Variants in POLR3B observed in about 807,000 individuals in gnomAD.
POLR3B encodes RNA polymerase III subunit B.
POLR3B carries 96 observed loss-of-function variants against 147.4 expected under a neutral mutation model. That is an observed-to-expected ratio of 0.65 (90% CI 0.55 to 0.77). POLR3B has a LOEUF of 0.77. POLR3B is among the 30% of genes least tolerant of loss of function. The pLI, the probability that POLR3B is intolerant of heterozygous loss-of-function variation, is 0.00. For synonymous variants in POLR3B, 461 were observed against 485.9 expected (o/e 0.95, Z 0.67); for missense variants, 1,036 against 1,413.5 (o/e 0.73, Z 4.28).
chr12:106,445,372 A>G (rs2037708228), intron 19 of POLR3B, among the ~76,000 whole-genome samples: 1 of 152,198 alleles, frequency 6.6e-6, no homozygotes, highest in African/African-American at 2.4e-5. Context: ...TTAAAGTGAG[A>G]GTGGGTTTTT....
At chr12:106,414,914 G>A (rs1195910531) in intron 12 of POLR3B, among the ~76,000 whole-genome samples, 1 of 152,134 alleles carries the variant, frequency 6.6e-6, no homozygotes, top group African/African-American at 2.4e-5. Context: ...AGCCCCCTTT[G>A]AATTCTGATA....
At chr12:106,433,658 T>C (rs963290333) in intron 15 of POLR3B, 61 bp from the exon 16 acceptor site, 15 of 1,368,726 alleles carry the variant, frequency 1.1e-5, no homozygotes, top group Non-Finnish European at 1.3e-5. Context: ...TGGTTGGATA[T>C]ATTAAATCAG....
rs529227497 is a variant in POLR3B at position 106,438,956 on chromosome 12, A to G, written c.1955+1177A>G. 5.3e-5 allele frequency among the ~76,000 whole-genome samples: 8 copies of G among 152,370 alleles called. No homozygotes were observed. In the South Asian group the frequency reaches 1.4e-3, roughly 28 times the overall value. On this transcript the variant is annotated intron_variant, in intron 18 of 27. Transcript: ENST00000228347. ...TTTTAGAGTACATTAAAGAACATCT[A>G]TGTAACTTGCTGTCTGATGCATGTG...
At chr12:106,495,351 T>C (rs2038463131) in intron 23 of POLR3B, among the ~76,000 whole-genome samples, 1 of 152,240 alleles carries the variant, frequency 6.6e-6, no homozygotes, top group Non-Finnish European at 1.5e-5. Flanking sequence ...TCTAGCCTTT[T>C]TTTTTCCAAG....
At chr12:106,496,996 TC>T in intron 25 of POLR3B, 78 bp downstream of exon 25, 23 of 1,406,284 alleles carry the variant, frequency 1.6e-5, no homozygotes, top group Non-Finnish European at 2.2e-5. Context: ...TAAGGTATAC[TC>T]TATTAAGTAT....
rs775469366 is a variant in POLR3B at position 106,363,939 on chromosome 12, T to A, written c.105+37T>A. On this transcript the variant is annotated intron_variant, in intron 2 of 27. Coordinates refer to ENST00000228347, the MANE Select transcript of POLR3B (RefSeq NM_018082.6). ...ACATTTAATAATAATTGGTTATTTT[T>A]CAGATGAAAAAGTCAAGAAATAAGC... 23 of 1,494,362 alleles carry A rather than the reference T, an allele frequency of 1.5e-5. No individual in the cohort carries two copies. In the South Asian group the frequency reaches 2.7e-4, roughly 18 times the overall value. The allele number at this position is 1,494,362 out of a possible 1,614,324, so 92.6% of individuals were successfully genotyped here. A position where few individuals can be genotyped will look rare whatever the true frequency, so the allele number is the denominator to read the frequency against.
At chr12:106,477,891 C>CTTTTTTTTTTTTTTTTTTTT in intron 23 of POLR3B, among the ~76,000 whole-genome samples, 1 of 70,550 alleles carries the variant, frequency 1.4e-5, no homozygotes, top group East Asian at 6.0e-4. Flanking sequence ...GGCTCCTCCC[C>CTTTTTTTTTTTTTTTTTTTT]TTTTTTTTTT....
chr12:106,397,858 G>A (rs2037001456), intron 10 of POLR3B, among the ~76,000 whole-genome samples: 1 of 152,186 alleles, frequency 6.6e-6, no homozygotes, highest in African/African-American at 2.4e-5. Context: ...GAATAGAATT[G>A]CTGTTAAGGA....
chr12:106,382,788 C>T (rs894970656), intron 9 of POLR3B, among the ~76,000 whole-genome samples: 13 of 152,126 alleles, frequency 8.5e-5, no homozygotes, highest in Admixed American at 3.9e-4. Context: ...AAGGGCCTTA[C>T]GATTTTCGGA....
At chr12:106,380,544 C>G (rs549366201) in intron 9 of POLR3B, among the ~76,000 whole-genome samples, 18 of 152,218 alleles carry the variant, frequency 1.2e-4, no homozygotes, top group Non-Finnish European at 2.4e-4. Flanking sequence ...GATTGTGCCA[C>G]TCTGCTCCAG....
chr12:106,360,074 A>G (rs2036447524), intron 1 of POLR3B, among the ~76,000 whole-genome samples: 1 of 152,190 alleles, frequency 6.6e-6, no homozygotes, highest in African/African-American at 2.4e-5. Context: ...TTCTTAATCT[A>G]TGCATATCTG....
At chr12:106,365,962 G>T (rs1276250566) in intron 2 of POLR3B, among the ~76,000 whole-genome samples, 2 of 151,752 alleles carry the variant, frequency 1.3e-5, no homozygotes, top group Admixed American at 6.6e-5. Context: ...TCCATGCCTT[G>T]TCCCACTGGA....
chr12:106,358,566 T>TATTTTGTTATCTGATAAGGCAC (rs774989545), intron 1 of POLR3B, among the ~76,000 whole-genome samples: 11 of 152,216 alleles, frequency 7.2e-5, no homozygotes, highest in Non-Finnish European at 1.5e-4. Flanking sequence ...GCTGTCGACA[T>TATTTTGTTATCTGATAAGGCAC]ATTTTGTTAT....
intron 9 of POLR3B, among the ~76,000 whole-genome samples, chr12:106,384,614 C>A (rs868006185): frequency 1.3e-5 from 2 of 152,086 alleles, no homozygotes; most frequent in South Asian, 4.2e-4. Flanking sequence ...TATTTAGTGC[C>A]GTATTTTTTG....
chr12:106,359,054 C>T (rs2036429463), intron 1 of POLR3B, among the ~76,000 whole-genome samples: 1 of 152,070 alleles, frequency 6.6e-6, no homozygotes, highest in Non-Finnish European at 1.5e-5. Flanking sequence ...CCTGTTTCTA[C>T]AAATAATACA....
At chr12:106,400,751 GA>G in intron 10 of POLR3B, among the ~76,000 whole-genome samples, 1 of 152,154 alleles carries the variant, frequency 6.6e-6, no homozygotes, top group Non-Finnish European at 1.5e-5. Flanking sequence ...AATGAAGGCA[GA>G]AATAAAGATG....
At chr12:106,409,631 C>T (rs1197273191) in intron 11 of POLR3B, among the ~76,000 whole-genome samples, 1 of 149,920 alleles carries the variant, frequency 6.7e-6, no homozygotes, top group African/African-American at 2.5e-5. Flanking sequence ...AGTGAAATTA[C>T]TTAGCAGCAA....
chr12:106,366,385 C>T (rs1025501079), intron 2 of POLR3B, 131 bp from the exon 3 acceptor site: 40 of 690,560 alleles, frequency 5.8e-5, no homozygotes, highest in Non-Finnish European at 9.9e-5. Flanking sequence ...TTATTTTTCT[C>T]ATTTTGATTT....
rs2136946866 is a variant in POLR3B at position 106,420,329 on chromosome 12, T to A, written c.1102-6868T>A. Among the ~76,000 whole-genome samples the A allele has an allele frequency of 1.3e-5, 2 of 152,272 alleles. 1 individual carries two copies. Among genetic ancestry groups the A allele is most frequent in the South Asian group, 4.1e-4 (2 of 4,824 alleles). On this transcript the variant is annotated intron_variant, in intron 12 of 27. Coordinates refer to ENST00000228347, the MANE Select transcript of POLR3B (RefSeq NM_018082.6). Reference sequence around the variant, plus strand: ...GTTTTCTTCCTTGGGTTCTCTCCTTTATGGAATTCCCCTTCACCTTCCAGC... The same window carrying A: ...GTTTTCTTCCTTGGGTTCTCTCCTTAATGGAATTCCCCTTCACCTTCCAGC...
Sources: gnomAD v4.1 joint callset for allele counts (sites outside exome capture counted in the v4.1 genomes callset) on GRCh38, gnomAD v4.1.1 for gene constraint, MANE v1.5 for transcripts, NCBI Gene and HGNC (gene_info 2026-07-23, HGNC 2026-07-21) for gene names.